The following FGF12 variants were observed in gnomAD, a reference collection of about 807,000 sequenced individuals.
FGF12 encodes fibroblast growth factor 12.
In FGF12, 14 loss-of-function variants were observed where a neutral mutation model predicts 23.6. That is an observed-to-expected ratio of 0.59 (90% CI 0.39 to 0.93). The LOEUF (loss-of-function observed/expected upper bound fraction) is 0.93. FGF12 is among the 40% of genes least tolerant of loss of function. The pLI is 0.00. For missense variants in FGF12, 175 were observed against 217.8 expected, an observed-to-expected ratio of 0.80 and a Z score of 1.24; for synonymous variants, 62 against 77.3, an observed-to-expected ratio of 0.80 and a Z score of 1.04.
At chr3:192,489,485 C>T (rs1379834641) in intron 2 of FGF12, among the ~76,000 whole-genome samples, 1 of 151,998 alleles carries the variant, frequency 6.6e-6, no homozygotes, top group African/African-American at 2.4e-5. Context: ...CAACAATGTG[C>T]TTAGTCCCAG....
chr3:192,360,950 A>T lies in FGF12; in HGVS notation c.14-412T>A, dbSNP rs1051767571. Reference sequence around the variant, plus strand: ...CCATAACCAGGTCCATAAGACTTCTATCTCTGCAGGATGTCAGCTCTCCAT... The same window carrying T: ...CCATAACCAGGTCCATAAGACTTCTTTCTCTGCAGGATGTCAGCTCTCCAT... On this transcript the variant is annotated intron_variant, in intron 2 of 5. Transcript: ENST00000445105. This position sits in a 1 kb window ranked among gnomAD's most constrained non-coding sequence, Gnocchi z 4.3. Among the ~76,000 whole-genome samples, 2 of 152,096 alleles carry T rather than the reference A, an allele frequency of 1.3e-5. No homozygotes were observed. The highest frequency in any genetic ancestry group is 3.9e-4 in the East Asian group (2 of 5,186).
chr3:192,480,644 GGAAA>G (rs1376117224), intron 2 of FGF12, among the ~76,000 whole-genome samples: 16 of 151,788 alleles, frequency 1.1e-4, no homozygotes, highest in Non-Finnish European at 1.5e-5. Flanking sequence ...CTCACTATGG[GGAAA>G]CACTGAGACC....
intron 2 of FGF12, among the ~76,000 whole-genome samples, chr3:192,555,632 A>T (rs1300008599): frequency 1.4e-4 from 1 of 7,186 alleles, no homozygotes; most frequent in East Asian, 0.019. Context: ...AAAAGTACCA[A>T]AAAAAAAAAA....
intron 2 of FGF12, among the ~76,000 whole-genome samples, chr3:192,527,562 A>G (rs1432454021): frequency 6.6e-6 from 1 of 152,240 alleles, no homozygotes; most frequent in Non-Finnish European, 1.5e-5. Context: ...TGTAGATATG[A>G]AAATCACTGC....
chr3:192,246,610 G>A (rs1158928036), intron 4 of FGF12, among the ~76,000 whole-genome samples: 1 of 152,006 alleles, frequency 6.6e-6, no homozygotes, highest in Non-Finnish European at 1.5e-5. Flanking sequence ...GATCACCTGA[G>A]GTCAGGAGTT....
At chr3:192,304,824 T>C (rs1376768429) in intron 4 of FGF12, among the ~76,000 whole-genome samples, 3 of 152,202 alleles carry the variant, frequency 2.0e-5, no homozygotes, top group Non-Finnish European at 4.4e-5. Context: ...AGATCCCACT[T>C]TGAATGTCTT....
intron 4 of FGF12, among the ~76,000 whole-genome samples, chr3:192,293,827 T>C (rs1714889608): frequency 6.6e-6 from 1 of 152,198 alleles, no homozygotes; most frequent in Non-Finnish European, 1.5e-5. Context: ...TAACTTTATT[T>C]CTTACAGTTC....
chr3:192,223,110 TA>T (rs1310151844), intron 4 of FGF12, among the ~76,000 whole-genome samples: 1 of 152,168 alleles, frequency 6.6e-6, no homozygotes, highest in Non-Finnish European at 1.5e-5. Context: ...TGCAAATGCC[TA>T]AATTAAAACT....
chr3:192,298,185 A>G (rs74450627), intron 4 of FGF12, among the ~76,000 whole-genome samples: 4,268 of 152,296 alleles, frequency 0.028, 209 homozygotes, highest in African/African-American at 0.098. Context: ...CCAGTCAATC[A>G]ATCATCATTT....
intron 2 of FGF12, among the ~76,000 whole-genome samples, chr3:192,378,509 T>A (rs745484911): frequency 1.3e-5 from 2 of 152,234 alleles, no homozygotes. Flanking sequence ...AGATTATTCA[T>A]AAACATAATT....
At chr3:192,301,445 G>A (rs943021134) in intron 4 of FGF12, among the ~76,000 whole-genome samples, 49 of 152,220 alleles carry the variant, frequency 3.2e-4, no homozygotes, top group Non-Finnish European at 7.3e-5. Context: ...GGTACCACAT[G>A]CTAGGTGATA....
chr3:192,464,732 G>A (rs1439573741), intron 2 of FGF12, among the ~76,000 whole-genome samples: 2 of 152,112 alleles, frequency 1.3e-5, no homozygotes, highest in South Asian at 4.1e-4. Context: ...TGGGAGAAGG[G>A]GCTCTGCTTT....
At chr3:192,582,946 C>G (rs1713218847) in intron 2 of FGF12, among the ~76,000 whole-genome samples, 1 of 152,112 alleles carries the variant, frequency 6.6e-6, no homozygotes, top group Admixed American at 6.6e-5. Context: ...CTATAATTTG[C>G]TCATTTTGTT....
At chr3:192,311,358 T>C (rs1715922600) in intron 4 of FGF12, among the ~76,000 whole-genome samples, 1 of 152,192 alleles carries the variant, frequency 6.6e-6, no homozygotes, top group African/African-American at 2.4e-5. Context: ...TCAATAGAGT[T>C]GCTTTTTCTG....
chr3:192,615,984 A>G (rs1714741065), intron 2 of FGF12, among the ~76,000 whole-genome samples: 1 of 152,024 alleles, frequency 6.6e-6, no homozygotes, highest in African/African-American at 2.4e-5. Context: ...CTTTGTAAAT[A>G]TAATCAATTA....
intron 4 of FGF12, among the ~76,000 whole-genome samples, chr3:192,229,129 T>G (rs1339372616): frequency 6.6e-6 from 1 of 151,592 alleles, no homozygotes. Flanking sequence ...ACATGGCTGA[T>G]GCACTATAAA....
At chr3:192,410,292 CTG>C (rs887823384) in intron 2 of FGF12, among the ~76,000 whole-genome samples, 1 of 152,024 alleles carries the variant, frequency 6.6e-6, no homozygotes, top group Non-Finnish European at 1.5e-5. Flanking sequence ...TCCCTCCTCT[CTG>C]TGTCTTCTGT....
At chr3:192,303,092 T>A (rs898938362) in intron 4 of FGF12, among the ~76,000 whole-genome samples, 2 of 152,216 alleles carry the variant, frequency 1.3e-5, no homozygotes, top group East Asian at 1.9e-4. Flanking sequence ...CCTTATTTTT[T>A]AAATCAAACA....
At chr3:192,214,880 T>A (rs1482254938) in intron 4 of FGF12, among the ~76,000 whole-genome samples, 1 of 152,200 alleles carries the variant, frequency 6.6e-6, no homozygotes, top group Non-Finnish European at 1.5e-5. Flanking sequence ...ATGAAAACAA[T>A]TGTTTTAGGT....
Sources: allele counts gnomAD v4.1 joint callset (sites outside exome capture counted in the v4.1 genomes callset), GRCh38; gene constraint gnomAD v4.1.1; non-coding constraint Gnocchi (gnomAD v3.1); transcripts MANE v1.5; gene names NCBI Gene and HGNC (gene_info 2026-07-23, HGNC 2026-07-21).